STK39: variants seen among roughly 807,000 people sequenced by gnomAD.
STK39 encodes the protein STE20/SPS1-related proline-alanine-rich protein kinase.
In STK39, 20 loss-of-function variants were observed where a neutral mutation model predicts 77.8. The observed-to-expected ratio is 0.26, with a 90% CI of 0.18 to 0.37. The LOEUF (loss-of-function observed/expected upper bound fraction) is 0.37. Ranked by LOEUF, STK39 falls within the 10% of genes least tolerant of loss-of-function variation. STK39 has a pLI of 1.00. For missense variants in STK39, 479 were observed against 656.5 expected, an observed-to-expected ratio of 0.73 and a Z score of 2.95; for synonymous variants, 246 against 234.1, an observed-to-expected ratio of 1.05 and a Z score of -0.47.
At chr2:168,135,899 T>C (rs1687820153) in intron 8 of STK39, among the ~76,000 whole-genome samples, 3 of 151,934 alleles carry the variant, frequency 2.0e-5, no homozygotes, top group Admixed American at 2.0e-4. Flanking sequence ...ATTAATACTT[T>C]GTACATCAAC....
At chr2:168,239,413 A>G (rs1690701944) in intron 1 of STK39, among the ~76,000 whole-genome samples, 1 of 152,216 alleles carries the variant, frequency 6.6e-6, no homozygotes, top group Non-Finnish European at 1.5e-5. Flanking sequence ...CTCAGTCCTA[A>G]GACCTCAGGA....
In STK39 at chr2:167,955,311, G is replaced by A. The variant is rs1691733373; in HGVS notation, c.*185C>T. On this transcript the variant is annotated 3_prime_UTR_variant, in exon 18 of 18. Transcript: ENST00000355999. Reference sequence around the variant, plus strand: ...TAGAGAATAAAGCAGAACTCGGAGTGTTGTAAGTTTTAAAAAATTATTTTT... The same window carrying A: ...TAGAGAATAAAGCAGAACTCGGAGTATTGTAAGTTTTAAAAAATTATTTTT... 3.6e-6 allele frequency: 2 copies of A among 554,750 alleles called. No individual in the cohort carries two copies. The highest frequency in any genetic ancestry group is 4.6e-5 in the South Asian group (2 of 43,166). 34.4% of individuals were successfully genotyped at this position (554,750 alleles called of 1,614,324 possible). A position where few individuals can be genotyped will look rare whatever the true frequency, so the allele number is the denominator to read the frequency against.
At chr2:168,071,859 G>A (rs1042569006) in intron 12 of STK39, among the ~76,000 whole-genome samples, 1 of 140,234 alleles carries the variant, frequency 7.1e-6, no homozygotes, top group Admixed American at 7.6e-5. Context: ...AACAGAGTGA[G>A]ACTCCATCTC....
chr2:168,204,244 G>A (rs570979358), intron 1 of STK39, among the ~76,000 whole-genome samples: 1 of 152,248 alleles, frequency 6.6e-6, no homozygotes, highest in South Asian at 2.1e-4. Context: ...CTACCTTGCC[G>A]CACCCCGTGG....
rs553868919 is a variant in STK39 at position 168,118,886 on chromosome 2, T to C, written c.1089+10655A>G. Among the ~76,000 whole-genome samples, 5 of 152,254 alleles carry C rather than the reference T, an allele frequency of 3.3e-5. No individual in the cohort carries two copies. In the South Asian group the frequency reaches 1.0e-3, roughly 32 times the overall value. On this transcript the variant is annotated intron_variant, in intron 10 of 17. Transcript: ENST00000355999. Reference sequence around the variant, plus strand: ...AGCTCTTTTCTGACCAAAGGAACTCTCAGTTCTCAAATAACTAAAAAGCAA... The same window carrying C: ...AGCTCTTTTCTGACCAAAGGAACTCCCAGTTCTCAAATAACTAAAAAGCAA...
intron 1 of STK39, among the ~76,000 whole-genome samples, chr2:168,221,802 C>T (rs1309688745): frequency 7.9e-5 from 12 of 152,002 alleles, no homozygotes; most frequent in African/African-American, 2.4e-4. Flanking sequence ...CTCACCGGGG[C>T]GCAACAAAGA....
chr2:168,132,724 T>C (rs1217877347), intron 8 of STK39, among the ~76,000 whole-genome samples: 1 of 152,188 alleles, frequency 6.6e-6, no homozygotes, highest in Non-Finnish European at 1.5e-5. Context: ...TCATGCACCA[T>C]GCTACCCACA....
chr2:168,116,638 C>CGGTG (rs1411164159), intron 10 of STK39, among the ~76,000 whole-genome samples: 2 of 152,142 alleles, frequency 1.3e-5, no homozygotes, highest in Admixed American at 1.3e-4. Context: ...TGTACCACAC[C>CGGTG]CCCTGCTGGC....
intron 16 of STK39, among the ~76,000 whole-genome samples, chr2:167,995,682 G>A: frequency 6.6e-6 from 1 of 152,186 alleles, no homozygotes; most frequent in East Asian, 1.9e-4. Flanking sequence ...AAGAGATTAA[G>A]TGTGGCTTTG....
intron 14 of STK39, among the ~76,000 whole-genome samples, chr2:168,048,564 T>A (rs1048194628): frequency 6.6e-6 from 1 of 152,094 alleles, no homozygotes; most frequent in African/African-American, 2.4e-5. Flanking sequence ...TTGTCTCTCA[T>A]GAATATTGGA....
At chr2:168,016,925 T>A in intron 15 of STK39, 118 bp downstream of exon 15, 1 of 734,036 alleles carries the variant, frequency 1.4e-6, no homozygotes, top group Non-Finnish European at 2.1e-6. Context: ...CTATCTCTCC[T>A]TCCTTCCTTC....
intron 10 of STK39, among the ~76,000 whole-genome samples, chr2:168,101,209 G>C (rs1022875653): frequency 6.6e-6 from 1 of 152,126 alleles, no homozygotes; most frequent in Non-Finnish European, 1.5e-5. Flanking sequence ...GCTTGTCGGG[G>C]GTTAGGGGCA....
chr2:168,166,534 A>G (rs1688697331), intron 3 of STK39, among the ~76,000 whole-genome samples: 1 of 152,200 alleles, frequency 6.6e-6, no homozygotes, highest in Non-Finnish European at 1.5e-5. Flanking sequence ...ATTTCTCCCC[A>G]TGTCAACTGA....
intron 1 of STK39, among the ~76,000 whole-genome samples, chr2:168,193,328 G>C (rs1269438012): frequency 6.6e-6 from 1 of 152,146 alleles, no homozygotes; most frequent in African/African-American, 2.4e-5. Flanking sequence ...CTCTCACCCA[G>C]AAGCAGGGGC....
intron 1 of STK39, among the ~76,000 whole-genome samples, chr2:168,237,634 A>G (rs1488965625): frequency 6.6e-6 from 1 of 152,142 alleles, no homozygotes; most frequent in Non-Finnish European, 1.5e-5. Flanking sequence ...TACCTAATTT[A>G]TTGAGAGTTT....
At chr2:168,091,154 A>G (rs564515920) in intron 10 of STK39, among the ~76,000 whole-genome samples, 33 of 110,440 alleles carry the variant, frequency 3.0e-4, no homozygotes, top group South Asian at 1.8e-3. Flanking sequence ...ACAGGTGCAC[A>G]CACACACACA....
chr2:168,028,141 T>C (rs1019782207), intron 14 of STK39, among the ~76,000 whole-genome samples: 5 of 151,576 alleles, frequency 3.3e-5, no homozygotes, highest in Admixed American at 1.3e-4. Context: ...TGGTGGACTC[T>C]TTTTTTTTCT....
At chr2:168,053,112 C>A (rs768650819) in intron 14 of STK39, among the ~76,000 whole-genome samples, 1 of 152,216 alleles carries the variant, frequency 6.6e-6, no homozygotes, top group Non-Finnish European at 1.5e-5. Context: ...TCCTACTGGG[C>A]AGTTTTCAAA....
intron 16 of STK39, among the ~76,000 whole-genome samples, chr2:168,011,334 T>A (rs1008211253): frequency 3.3e-5 from 5 of 151,312 alleles, no homozygotes; most frequent in African/African-American, 9.7e-5. Context: ...ATAAACCATA[T>A]CATTTAAGGG....
Sources: gnomAD v4.1 joint callset for allele counts (sites outside exome capture counted in the v4.1 genomes callset) on GRCh38, gnomAD v4.1.1 for gene constraint, MANE v1.5 for transcripts, NCBI Gene and HGNC (gene_info 2026-07-23, HGNC 2026-07-21) for gene names.